The following MAPK8IP3 variants were observed in gnomAD, a reference collection of about 807,000 sequenced individuals.
MAPK8IP3 encodes mitogen-activated protein kinase 8 interacting protein 3.
MAPK8IP3 carries 49 observed loss-of-function variants against 157.8 expected under a neutral mutation model. The observed-to-expected ratio is 0.31, with a 90% confidence interval of 0.25 to 0.39. MAPK8IP3 has a LOEUF of 0.39. Ranked by LOEUF, MAPK8IP3 falls within the 10% of genes least tolerant of loss-of-function variation. MAPK8IP3 has a pLI of 1.00. For synonymous variants in MAPK8IP3, 897 were observed against 777.7 expected (o/e 1.15, Z -2.55); for missense variants, 1,478 against 1,889.4 (o/e 0.78, Z 4.04).
chr16:1,712,219 G>A (rs1192653735), intron 1 of MAPK8IP3, among the ~76,000 whole-genome samples: 3 of 151,468 alleles, frequency 2.0e-5, no homozygotes, highest in East Asian at 2.0e-4. Flanking sequence ...CCGCCAACAC[G>A]CCCGGCTAAT....
At chr16:1,763,585 C>G (rs558428689) in intron 16 of MAPK8IP3, 72 bp from the exon 17 acceptor site, 19 of 1,407,878 alleles carry the variant, frequency 1.3e-5, no homozygotes, top group Middle Eastern at 1.9e-4. Context: ...TGACCTCCCC[C>G]AGGACAAGCC....
At chr16:1,755,809 G>A (rs1016119160) in intron 8 of MAPK8IP3, among the ~76,000 whole-genome samples, 30 of 146,618 alleles carry the variant, frequency 2.0e-4, no homozygotes, top group Non-Finnish European at 3.3e-4. Flanking sequence ...CCAAGATCGC[G>A]CCGTTGCACT....
chr16:1,728,031 G>T (rs545686549), intron 2 of MAPK8IP3, among the ~76,000 whole-genome samples: 1 of 152,252 alleles, frequency 6.6e-6, no homozygotes, highest in African/African-American at 2.4e-5. Context: ...ACCTCGTGGC[G>T]TCAGCCCTCC....
At chr16:1,737,549 T>A (rs1241905583) in intron 4 of MAPK8IP3, among the ~76,000 whole-genome samples, 5 of 107,246 alleles carry the variant, frequency 4.7e-5, no homozygotes, top group Admixed American at 9.5e-5. Context: ...CGTGTGAGAG[T>A]GTGACCATCC....
chr16:1,746,779 C>G, intron 5 of MAPK8IP3: 1 of 550,480 alleles, frequency 1.8e-6, no homozygotes, highest in Non-Finnish European at 3.2e-6. Flanking sequence ...AAGCCCCGTT[C>G]CAAGCCATTT....
chr16:1,759,195 T>C (rs1466818257), intron 10 of MAPK8IP3, among the ~76,000 whole-genome samples, 200 bp downstream of exon 10: 1 of 152,130 alleles, frequency 6.6e-6, no homozygotes, highest in African/African-American at 2.4e-5. Context: ...AGGGACAGAC[T>C]TGAAGGCCCG....
intron 1 of MAPK8IP3, among the ~76,000 whole-genome samples, chr16:1,708,638 T>G (rs1423821052): frequency 6.6e-6 from 1 of 152,142 alleles, no homozygotes; most frequent in Non-Finnish European, 1.5e-5. Flanking sequence ...TGAACCAAGC[T>G]GGCGGGTGTG....
At chr16:1,708,064 G>A (rs1489768196) in intron 1 of MAPK8IP3, 1 of 152,198 alleles carries the variant, frequency 6.6e-6, no homozygotes, top group Non-Finnish European at 1.5e-5. Flanking sequence ...GAATGCCCCG[G>A]TTCCAGCAAA....
In MAPK8IP3 at chr16:1,761,312, CCACTCTT is replaced by C. The variant is rs780091943; in HGVS notation, c.1539+18_1539+24del. 1.9e-6 allele frequency: 3 copies of C among 1,611,456 alleles called. No individual in the cohort carries two copies. Among genetic ancestry groups the C allele is most frequent in the Admixed American group, 1.7e-5 (1 of 60,012 alleles). On this transcript the variant is annotated splice_region_variant and intron_variant, in intron 13 of 31. Coordinates refer to ENST00000610761, the MANE Select transcript of MAPK8IP3 (RefSeq NM_001318852.2). ...CTATCTCTGTACAGAATCGGTACAT[CCACTCTT>C]CACTCTTCACATGCGGGGCGTCCAC...
chr16:1,709,372 T>C (rs2037608258), intron 1 of MAPK8IP3, among the ~76,000 whole-genome samples: 1 of 152,226 alleles, frequency 6.6e-6, no homozygotes, highest in South Asian at 2.1e-4. Context: ...GGGTCCATCC[T>C]CTTCCCCTCG....
At chr16:1,730,911 C>T (rs1440534808) in intron 4 of MAPK8IP3, among the ~76,000 whole-genome samples, 3 of 149,856 alleles carry the variant, frequency 2.0e-5, no homozygotes, top group Admixed American at 6.7e-5. Context: ...AGGCTGAGGC[C>T]GGCAGATCAC....
chr16:1,757,563 G>A (rs568277633), intron 8 of MAPK8IP3, among the ~76,000 whole-genome samples: 3 of 152,162 alleles, frequency 2.0e-5, no homozygotes, highest in South Asian at 4.2e-4. Flanking sequence ...AGGATGCCTC[G>A]CCCGCCCCAC....
chr16:1,709,588 C>T (rs750876821), intron 1 of MAPK8IP3, among the ~76,000 whole-genome samples: 5 of 152,258 alleles, frequency 3.3e-5, no homozygotes, highest in African/African-American at 1.2e-4. Context: ...TCTGGTTGTG[C>T]AGGCTCTGAT....
Position 1,767,916 on chromosome 16 carries a change from A to G in MAPK8IP3, c.3521A>G (p.Glu1174Gly). The G allele has an allele frequency of 1.2e-6, 2 of 1,610,888 alleles. No individual in the cohort carries two copies. The highest frequency in any genetic ancestry group is 8.5e-7 in the Non-Finnish European group (1 of 1,179,684). Residue 1174 changes from glutamate to glycine, a missense_variant and splice_region_variant, in exon 28 of 32, where the codon GAG becomes GGG. By Grantham distance (98) the Glu-to-Gly change is moderately conservative (BLOSUM62 -2). Transcript: ENST00000610761. ...GTGGTCATCTCCATCCCCCTGACAG[A>G]GAGTGAGTGGCCTGCACACCTGCAG... ...NGVVISIPLT[E>G]TVVLHRGQLL...
intron 11 of MAPK8IP3, 71 bp from the exon 12 acceptor site, chr16:1,760,309 C>T: frequency 7.1e-6 from 11 of 1,541,268 alleles, no homozygotes; most frequent in Non-Finnish European, 8.8e-6. Flanking sequence ...AGTGCAGGCG[C>T]CCCTGGCAAG....
At chr16:1,761,097 C>A in intron 12 of MAPK8IP3, 127 bp from the exon 13 acceptor site, 1 of 741,068 alleles carries the variant, frequency 1.3e-6, no homozygotes, top group East Asian at 2.5e-5. Context: ...TGAAGGGGTC[C>A]CTGTGGGGAG....
At chr16:1,747,661 G>A (rs941866096) in intron 6 of MAPK8IP3, among the ~76,000 whole-genome samples, 5 of 152,146 alleles carry the variant, frequency 3.3e-5, no homozygotes, top group African/African-American at 1.2e-4. Context: ...ATGGATTTGG[G>A]GAGACACAAC....
rs199693543 is a variant in MAPK8IP3, at chr16:1,764,964, G to T, written c.2281-49G>T. On this transcript the variant is annotated intron_variant, in intron 19 of 31. Coordinates refer to ENST00000610761, the MANE Select transcript of MAPK8IP3 (RefSeq NM_001318852.2). The stretch of plus-strand genomic sequence containing the variant: ...AGCCCCATGGCCCTGTGCTGCCACC[G>T]GGTAGCCTCAAGCTCGGGCTCTGAC... 7.3e-5 allele frequency: 115 copies of T among 1,567,258 alleles called. No homozygotes were observed. In the Middle Eastern group the frequency reaches 9.1e-4, roughly 12 times the overall value.
Position 1,768,883 on chromosome 16 carries a change from C to T in MAPK8IP3, c.*59C>T. The T allele has an allele frequency of 6.3e-7, 1 of 1,587,624 alleles. No homozygotes were observed. Among genetic ancestry groups the T allele is most frequent in the African/African-American group, 1.3e-5 (1 of 74,612 alleles). On this transcript the variant is annotated 3_prime_UTR_variant, in exon 32 of 32. Coordinates refer to ENST00000610761, the MANE Select transcript of MAPK8IP3 (RefSeq NM_001318852.2). ...GGACCCCCGACCACCTGACCCCCGC[C>T]CGGCCCGCGGGGTAGCCAGCCAGGC...
Sources: allele counts gnomAD v4.1 joint callset (sites outside exome capture counted in the v4.1 genomes callset), GRCh38; gene constraint gnomAD v4.1.1; transcripts MANE v1.5; gene names NCBI Gene and HGNC (gene_info 2026-07-23, HGNC 2026-07-21).